ITPKA: variants seen among roughly 807,000 people sequenced by gnomAD.
The protein encoded by ITPKA is IP3 3-kinase A.
A neutral mutation model predicts 40.7 loss-of-function variants in ITPKA; 16 were observed. The observed-to-expected ratio is 0.39, with a 90% CI of 0.27 to 0.60. The LOEUF (loss-of-function observed/expected upper bound fraction) is 0.60, where lower values mean the gene tolerates loss of function less well. Ranked by LOEUF, ITPKA falls within the 20% of genes least tolerant of loss-of-function variation. ITPKA has a pLI of 0.50. For synonymous variants in ITPKA, 313 were observed against 289.9 expected (o/e 1.08, Z -0.81); for missense variants, 540 against 649.3 (o/e 0.83, Z 1.83).
intron 1 of ITPKA, among the ~76,000 whole-genome samples, chr15:41,497,801 C>T (rs186987572): frequency 6.6e-6 from 1 of 152,142 alleles, no homozygotes; most frequent in Non-Finnish European, 1.5e-5. Flanking sequence ...GGGAGGATCA[C>T]TTGAACCCCG....
chr15:41,500,934 G>A (rs1383573602), intron 1 of ITPKA, among the ~76,000 whole-genome samples: 2 of 148,420 alleles, frequency 1.3e-5, no homozygotes, highest in African/African-American at 5.0e-5. Context: ...GCCTGAACCC[G>A]GGAGGTAGAG....
intron 1 of ITPKA, among the ~76,000 whole-genome samples, chr15:41,495,399 CGGCGGGGCGGGGA>C (rs2051063742): frequency 6.6e-6 from 1 of 152,196 alleles, no homozygotes; most frequent in South Asian, 2.1e-4. Context: ...CGGGTCGGCG[CGGCGGGGCGGGGA>C]GAGCTGTGGC....
chr15:41,497,980 C>T (rs773061658), intron 1 of ITPKA, among the ~76,000 whole-genome samples: 4 of 152,006 alleles, frequency 2.6e-5, no homozygotes, highest in Non-Finnish European at 5.9e-5. Flanking sequence ...GATGAAACCC[C>T]GTCTCTACTA....
At chr15:41,500,985 G>A (rs2051105092) in intron 1 of ITPKA, among the ~76,000 whole-genome samples, 1 of 140,700 alleles carries the variant, frequency 7.1e-6, no homozygotes, top group East Asian at 2.0e-4. Flanking sequence ...CTCCAGCCTG[G>A]GTGACAGAGC....
Position 41,494,092 on chromosome 15 carries a change from G to A in ITPKA, c.165G>A (p.Arg55=), listed in dbSNP as rs1237826915. 2 of 1,282,468 alleles carry A rather than the reference G, an allele frequency of 1.6e-6. No individual in the cohort carries two copies. Among genetic ancestry groups the A allele is most frequent in the East Asian group, 3.2e-5 (1 of 31,718 alleles). 79.4% of individuals were successfully genotyped at this position (1,282,468 alleles called of 1,614,324 possible). ...CGGCCGCCGCCGCGGGGGAGCCCCG[G>A]GCCCGCGGGGCCAAGCGGCGTGGGG... ...VAAAAAAGEP[R]ARGAKRRGGQ... Residue 55 remains arginine, a synonymous_variant, in exon 1 of 7, where the codon CGG becomes CGA. Transcript: ENST00000260386. The surrounding 1 kb of genome is among the most constrained non-coding windows in gnomAD (Gnocchi z 7.8).
In ITPKA at chr15:41,501,488, C is replaced by T; in HGVS notation, c.515C>T (p.Thr172Ile). The change falls in exon 2 of 7, where the codon ACC becomes ATC. Residue 172 changes from threonine (T) to isoleucine (I), a missense_variant. Physicochemically the swap from Thr to Ile is moderately conservative, Grantham distance 89 (BLOSUM62 -1). Transcript: ENST00000260386. ...AAAAACCACTGGCAGAAGATCCGGACCATGGTCAATCTGCCGGTCATAAGC... is the reference window on the plus strand; with the variant it reads ...AAAAACCACTGGCAGAAGATCCGGATCATGGTCAATCTGCCGGTCATAAGC... ...GQKNHWQKIR[T>I]MVNLPVISPF... 1 of 1,610,918 alleles carries T rather than the reference C, an allele frequency of 6.2e-7. No homozygotes were observed.
At position 41,502,163 on chromosome 15, in the gene ITPKA, T is replaced by A; in HGVS notation, c.970T>A (p.Ser324Thr). ...CATGCAGTGGCGGGAAGGCATCAGC[T>A]CCAGCACCACCCTCGGCTTCCGCAT... ...RYMQWREGIS[S>T]STTLGFRIEG... The change falls in exon 4 of 7, where the codon TCC (serine) becomes ACC (threonine). Residue 324 changes from serine (S) to threonine (T), a missense_variant. Transcript: ENST00000260386. The A allele has an allele frequency of 6.3e-7, 1 of 1,597,246 alleles. No homozygotes were observed.
chr15:41,502,742 T>G, intron 5 of ITPKA, 46 bp from the exon 6 acceptor site: 1 of 1,519,004 alleles, frequency 6.6e-7, no homozygotes. Flanking sequence ...GGGGCTCATT[T>G]GGCGTTTAGT....
chr15:41,494,361 G>C lies in ITPKA; in HGVS notation c.434G>C (p.Ser145Thr), dbSNP rs1260167330. The change falls in exon 1 of 7, where the codon AGT becomes ACT. Residue 145 changes from serine to threonine, a missense_variant. Transcript: ENST00000260386. This position sits in a 1 kb window ranked among gnomAD's most constrained non-coding sequence, Gnocchi z 7.8. The part of the protein sequence containing the change: ...EDSEDDLLSD[S>T]ESRSRGNVQL... ...TCGGAGGACGACCTGCTGAGCGACA[G>C]TGAGAGCCGGAGCCGCGGCAACGTG... 37 of 1,509,152 alleles carry C rather than the reference G, an allele frequency of 2.5e-5. No individual in the cohort carries two copies. The Middle Eastern group carries it at 5.2e-4, about 21-fold the overall frequency. 93.5% of individuals were successfully genotyped at this position (1,509,152 alleles called of 1,614,324 possible). A position where few individuals can be genotyped will look rare whatever the true frequency, so the allele number is the denominator to read the frequency against.
In ITPKA at chr15:41,502,411, G is replaced by C; in HGVS notation, c.1018G>C (p.Gly340Arg). ...FRIEGIKKAD[G>R]SCSTDFKTTR... ...CCTGTCCCACATCCAGAAAGCGGAC[G>C]GCTCCTGCAGCACCGACTTCAAGAC... The change falls in exon 5 of 7, where the codon GGC (glycine) becomes CGC (arginine). Residue 340 changes from glycine (G) to arginine (R), a missense_variant. Gly to Arg is a moderately radical substitution (Grantham distance 125). Coordinates refer to ENST00000260386, the MANE Select transcript of ITPKA (RefSeq NM_002220.3). The C allele has an allele frequency of 6.3e-7, 1 of 1,597,396 alleles. No homozygotes were observed. The highest frequency in any genetic ancestry group is 8.6e-7 in the Non-Finnish European group (1 of 1,166,046).
rs2051057768 is a variant in ITPKA at position 41,494,689 on chromosome 15, C to A, written c.489+273C>A. ...CAGGCGACCCGCCGCGGGGACTGGG[C>A]GAAGCGGGGGTAGCGGACCTTGTTG... On this transcript the variant is annotated intron_variant, in intron 1 of 6. Transcript: ENST00000260386. The surrounding 1 kb of genome is among the most constrained non-coding windows in gnomAD (Gnocchi z 7.8). 1.3e-5 allele frequency among the ~76,000 whole-genome samples: 2 copies of A among 152,334 alleles called. No individual in the cohort carries two copies. Among genetic ancestry groups the A allele is most frequent in the African/African-American group, 4.8e-5 (2 of 41,574 alleles).
At position 41,494,694 on chromosome 15, in the gene ITPKA, CG is replaced by C. The variant is rs936498311; in HGVS notation, c.489+283del. ...GACCCGCCGCGGGGACTGGGCGAAG[CG>C]GGGGTAGCGGACCTTGTTGGCTGTG... is the stretch of plus-strand genomic sequence containing the variant. On this transcript the variant is annotated intron_variant, in intron 1 of 6. Coordinates refer to ENST00000260386, the MANE Select transcript of ITPKA (RefSeq NM_002220.3). The surrounding 1 kb of genome is among the most constrained non-coding windows in gnomAD (Gnocchi z 7.8). Among the ~76,000 whole-genome samples the C allele has an allele frequency of 5.9e-5, 9 of 152,218 alleles. No individual in the cohort carries two copies. The highest frequency in any genetic ancestry group is 1.2e-4 in the Non-Finnish European group (8 of 68,040).
intron 1 of ITPKA, among the ~76,000 whole-genome samples, chr15:41,498,069 C>T (rs939418310): frequency 6.6e-6 from 1 of 152,016 alleles, no homozygotes; most frequent in Admixed American, 6.6e-5. Context: ...AGGAGAATCG[C>T]TCAAACCTGG....
chr15:41,497,810 C>G (rs574715399), intron 1 of ITPKA, among the ~76,000 whole-genome samples: 1 of 151,818 alleles, frequency 6.6e-6, no homozygotes, highest in African/African-American at 2.4e-5. Flanking sequence ...ACTTGAACCC[C>G]GGAGTTCGAG....
In ITPKA at chr15:41,494,477, G is replaced by A. The variant is rs973621794; in HGVS notation, c.489+61G>A. 1.7e-6 allele frequency: 2 copies of A among 1,188,210 alleles called. No homozygotes were observed. Among genetic ancestry groups the A allele is most frequent in the African/African-American group, 1.6e-5 (1 of 61,904 alleles). The allele number at this position is 1,188,210 out of a possible 1,614,324, so 73.6% of individuals were successfully genotyped here. A position where few individuals can be genotyped will look rare whatever the true frequency, so the allele number is the denominator to read the frequency against. ...GGGGGCTGCACGGGGGACCTGGCTGGGTGCTCCCGGAGGACCCGCTCCTGT... is the reference window on the plus strand; with the variant it reads ...GGGGGCTGCACGGGGGACCTGGCTGAGTGCTCCCGGAGGACCCGCTCCTGT... On this transcript the variant is annotated intron_variant, in intron 1 of 6. Coordinates refer to ENST00000260386, the MANE Select transcript of ITPKA (RefSeq NM_002220.3). The surrounding 1 kb of genome is among the most constrained non-coding windows in gnomAD (Gnocchi z 7.8).
chr15:41,497,619 C>T (rs1383722062), intron 1 of ITPKA, among the ~76,000 whole-genome samples: 1 of 152,222 alleles, frequency 6.6e-6, no homozygotes, highest in Non-Finnish European at 1.5e-5. Context: ...GACACTTGCA[C>T]AACTCCTGCC....
At chr15:41,497,120 A>G (rs1465280651) in intron 1 of ITPKA, among the ~76,000 whole-genome samples, 2 of 152,216 alleles carry the variant, frequency 1.3e-5, no homozygotes, top group Non-Finnish European at 2.9e-5. Flanking sequence ...AGCCCTGCCC[A>G]GAGAGAGGTA....
intron 1 of ITPKA, among the ~76,000 whole-genome samples, chr15:41,500,845 T>A (rs1468944061): frequency 6.6e-6 from 1 of 151,664 alleles, no homozygotes; most frequent in African/African-American, 2.4e-5. Flanking sequence ...CTGTCTCTAC[T>A]AAAAATACAA....
In ITPKA at chr15:41,502,990, C is replaced by A; in HGVS notation, c.1210C>A (p.His404Asn). ...GATCGGCAGCTCGCTCCTCTTTGTG[C>A]ACGATCACTGCCATCGCGCCGGCGT... ...EVIGSSLLFV[H>N]DHCHRAGVWL... Residue 404 changes from histidine to asparagine, a missense_variant, in exon 7 of 7, where the codon CAC becomes AAC. His to Asn is a moderately conservative substitution (Grantham distance 68). Coordinates refer to ENST00000260386, the MANE Select transcript of ITPKA (RefSeq NM_002220.3). The A allele has an allele frequency of 6.2e-7, 1 of 1,606,276 alleles. No individual in the cohort carries two copies. The highest frequency in any genetic ancestry group is 8.5e-7 in the Non-Finnish European group (1 of 1,176,086).
Sources: allele counts gnomAD v4.1 joint callset (sites outside exome capture counted in the v4.1 genomes callset), GRCh38; gene constraint gnomAD v4.1.1; non-coding constraint Gnocchi (gnomAD v3.1); transcripts MANE v1.5; gene names NCBI Gene and HGNC (gene_info 2026-07-23, HGNC 2026-07-21).